The following TJP1 variants were observed in gnomAD, a reference collection of about 807,000 sequenced individuals.
TJP1 encodes tight junction protein ZO-1.
Under a neutral mutation model 194.2 loss-of-function variants are expected in TJP1, and 43 were observed. The ratio of observed to expected loss-of-function variants is 0.22; its 90% CI spans 0.17 to 0.29. The LOEUF is 0.29. Among genes scored for constraint, TJP1 ranks in the 10% least tolerant of loss-of-function variants. TJP1 has a pLI of 1.00. For missense variants in TJP1, 1,971 were observed against 2,185.7 expected (o/e 0.90, Z 1.96); for synonymous variants, 801 against 779.0 (o/e 1.03, Z -0.47).
chr15:29,738,544 C>G (rs1267023745), intron 10 of TJP1, among the ~76,000 whole-genome samples: 5 of 152,082 alleles, frequency 3.3e-5, no homozygotes, highest in Non-Finnish European at 5.9e-5. Flanking sequence ...CCTGAGAAAT[C>G]AGATGAGGTC....
chr15:29,904,558 CAA>C (rs762087857), intron 2 of TJP1, among the ~76,000 whole-genome samples: 3 of 136,304 alleles, frequency 2.2e-5, no homozygotes, highest in African/African-American at 2.7e-5. Context: ...AATAATTTAC[CAA>C]AAAAAAAAAA....
intron 2 of TJP1, among the ~76,000 whole-genome samples, chr15:29,795,576 T>C (rs1595919170): frequency 1.3e-5 from 2 of 152,192 alleles, no homozygotes; most frequent in East Asian, 3.9e-4. Flanking sequence ...GTAACTCTAC[T>C]AGTGAATTCT....
Position 29,720,084 on chromosome 15 carries a change from T to C in TJP1, c.2764-68A>G, listed in dbSNP as rs182920423. The C allele has an allele frequency of 1.3e-4, 197 of 1,510,804 alleles. No homozygotes were observed. In the Admixed American group the frequency reaches 2.6e-3, roughly 20 times the overall value. 93.6% of individuals were successfully genotyped at this position (1,510,804 alleles called of 1,614,324 possible). On this transcript the variant is annotated intron_variant, in intron 19 of 27. Coordinates refer to ENST00000614355, the MANE Select transcript of TJP1 (RefSeq NM_001330239.4). The stretch of plus-strand genomic sequence containing the variant: ...ACTGCTAACTTTCCACTTCAATTTA[T>C]AGTGATTGGTAGACATACATTTTAA...
chr15:29,756,455 T>C (rs1449393505), intron 8 of TJP1, among the ~76,000 whole-genome samples: 1 of 152,228 alleles, frequency 6.6e-6, no homozygotes, highest in African/African-American at 2.4e-5. Flanking sequence ...TTATAACTTC[T>C]TGATTATGCC....
intron 2 of TJP1, among the ~76,000 whole-genome samples, chr15:29,797,843 A>G (rs1318077692): frequency 6.6e-6 from 1 of 152,216 alleles, no homozygotes; most frequent in African/African-American, 2.4e-5. Context: ...AATCTCAATA[A>G]TAAGAAAAAC....
chr15:29,956,655 G>T (rs930087138), intron 1 of TJP1, among the ~76,000 whole-genome samples: 19 of 152,208 alleles, frequency 1.2e-4, no homozygotes, highest in African/African-American at 4.3e-4. Context: ...CAAGGCAGGA[G>T]GATCACTTGA....
intron 2 of TJP1, among the ~76,000 whole-genome samples, chr15:29,779,973 CT>C (rs1277968626): frequency 6.6e-6 from 1 of 151,430 alleles, no homozygotes; most frequent in Non-Finnish European, 1.5e-5. Flanking sequence ...AAACAAAATC[CT>C]CCCCGCCACC....
At chr15:29,771,773 C>G (rs1314568907) in intron 4 of TJP1, among the ~76,000 whole-genome samples, 1 of 151,402 alleles carries the variant, frequency 6.6e-6, no homozygotes, top group Non-Finnish European at 1.5e-5. Context: ...CCACTGCACT[C>G]CAGCTTGGGC....
intron 1 of TJP1, among the ~76,000 whole-genome samples, chr15:29,807,119 T>A (rs1038194843): frequency 6.6e-6 from 1 of 152,222 alleles, no homozygotes; most frequent in Non-Finnish European, 1.5e-5. Context: ...TGTATCACTG[T>A]GTCCATCCCT....
intron 5 of TJP1, among the ~76,000 whole-genome samples, chr15:29,764,643 A>G (rs1167088940): frequency 6.6e-6 from 1 of 152,192 alleles, no homozygotes; most frequent in Non-Finnish European, 1.5e-5. Context: ...TGGGAAAAAA[A>G]GAGAAGGCAA....
chr15:29,953,294 A>G (rs1281413364), intron 2 of TJP1, among the ~76,000 whole-genome samples: 1 of 151,976 alleles, frequency 6.6e-6, no homozygotes, highest in African/African-American at 2.4e-5. Flanking sequence ...GGCACCTGCC[A>G]CCACGCCCAG....
In TJP1 at chr15:29,709,001, C is replaced by T. The variant is rs750448830; in HGVS notation, c.4408G>A (p.Val1470Met). The T allele has an allele frequency of 2.5e-5, 41 of 1,612,044 alleles. No individual in the cohort carries two copies. The highest frequency in any genetic ancestry group is 3.3e-5 in the Non-Finnish European group (39 of 1,179,228). ...SVSLDFQNSLVSKPDPPPSQN... is the reference protein window; with the variant it reads ...SVSLDFQNSLMSKPDPPPSQN... ...GATGGAGGTGGGTCTGGTTTGGACA[C>T]TAAGGAATTCTGAAAATCCAATGAC... Residue 1470 changes from valine (V) to methionine (M), a missense_variant, in exon 25 of 28, where the codon GTG becomes ATG. Transcript: ENST00000614355.
chr15:29,722,144 G>A (rs535018562), intron 18 of TJP1, among the ~76,000 whole-genome samples: 1 of 152,348 alleles, frequency 6.6e-6, no homozygotes, highest in South Asian at 2.1e-4. Context: ...CAAGCTGGCT[G>A]CAGAAATTTG....
chr15:29,736,885 T>C (rs2044068877), intron 11 of TJP1, among the ~76,000 whole-genome samples: 1 of 152,250 alleles, frequency 6.6e-6, no homozygotes, highest in South Asian at 2.1e-4. Flanking sequence ...TTGATGTTGC[T>C]TGCTGCCAAG....
chr15:29,850,132 C>T (rs2051584047), intron 2 of TJP1, among the ~76,000 whole-genome samples: 1 of 152,102 alleles, frequency 6.6e-6, no homozygotes, highest in Non-Finnish European at 1.5e-5. Context: ...GACCCTGGAT[C>T]TAAACCTCAC....
At chr15:29,857,832 G>C (rs2152095293) in intron 2 of TJP1, among the ~76,000 whole-genome samples, 1 of 152,284 alleles carries the variant, frequency 6.6e-6, no homozygotes, top group South Asian at 2.1e-4. Context: ...TGTGGTCTCA[G>C]CTCACCACAA....
At chr15:29,895,581 G>A (rs764784051) in intron 2 of TJP1, among the ~76,000 whole-genome samples, 2 of 152,018 alleles carry the variant, frequency 1.3e-5, no homozygotes, top group African/African-American at 2.4e-5. Context: ...TAAGCATTCC[G>A]TAAGAAGATG....
intron 2 of TJP1, among the ~76,000 whole-genome samples, chr15:29,949,271 T>A (rs1386806243): frequency 3.3e-4 from 17 of 50,894 alleles, no homozygotes; most frequent in South Asian, 7.9e-4. Flanking sequence ...CACCACCACC[T>A]CCATCACCTC....
In TJP1 at chr15:29,897,882, T is replaced by C. The variant is rs189548347; in HGVS notation, c.306+58350A>G. Reference sequence around the variant, plus strand: ...CCGATGCTGCTACCCACATTGTATTTAGGAAGTAACTAACTTGCTTTTGAT... The same window carrying C: ...CCGATGCTGCTACCCACATTGTATTCAGGAAGTAACTAACTTGCTTTTGAT... On this transcript the variant is annotated intron_variant, in intron 2 of 28. Coordinates refer to the TJP1 transcript ENST00000356107. Among the ~76,000 whole-genome samples the C allele has an allele frequency of 4.4e-3, 669 of 152,320 alleles. 7 individuals are homozygous for C. Among genetic ancestry groups the C allele is most frequent in the Non-Finnish European group, 6.5e-3 (442 of 68,032 alleles).
Sources: gnomAD v4.1 joint callset for allele counts (sites outside exome capture counted in the v4.1 genomes callset) on GRCh38, gnomAD v4.1.1 for gene constraint, MANE v1.5 for transcripts, NCBI Gene and HGNC (gene_info 2026-07-23, HGNC 2026-07-21) for gene names.